Variants in GPBP1L1 observed in about 807,000 individuals in gnomAD.
The protein encoded by GPBP1L1 is GC-rich promoter binding protein 1 like 1.
GPBP1L1 carries 23 observed loss-of-function variants against 52.5 expected under a neutral mutation model. That is an observed-to-expected ratio of 0.44 (90% CI 0.32 to 0.62). The LOEUF (loss-of-function observed/expected upper bound fraction) is 0.62, where lower values mean the gene tolerates loss of function less well. Ranked by LOEUF, GPBP1L1 falls within the 20% of genes least tolerant of loss-of-function variation. GPBP1L1 has a pLI of 0.06. For synonymous variants in GPBP1L1, 243 were observed against 203.1 expected, an observed-to-expected ratio of 1.20 and a Z score of -1.67; for missense variants, 596 against 579.3, an observed-to-expected ratio of 1.03 and a Z score of -0.30.
At position 45,629,458 on chromosome 1, in the gene GPBP1L1, C is replaced by CT. The variant is rs113420988; in HGVS notation, c.1272+117_1272+118insA. ...ACTACATTTCTACTAAGGTAATCCC[C>CT]CCCCCCCCCACCCGATCTTTCTCTC... On this transcript the variant is annotated intron_variant, in intron 12 of 12. Transcript: ENST00000355105. 21 of 126,846 alleles carry CT rather than the reference C, an allele frequency of 1.7e-4. 1 individual carries two copies. Among genetic ancestry groups the CT allele is most frequent in the South Asian group, 9.6e-4 (5 of 5,210 alleles). The allele number at this position is 126,846 out of a possible 1,614,324, so 7.9% of individuals were successfully genotyped here.
intron 6 of GPBP1L1, among the ~76,000 whole-genome samples, chr1:45,643,011 T>G (rs1436073744): frequency 6.6e-6 from 1 of 152,160 alleles, no homozygotes; most frequent in Non-Finnish European, 1.5e-5. Flanking sequence ...CTATAAAAAC[T>G]TCTAGACAAG....
In GPBP1L1 at chr1:45,659,108, C is replaced by A; in HGVS notation, c.-21G>T. On this transcript the variant is annotated 5_prime_UTR_variant, in exon 4 of 13. It removes the in-frame stop codon of an upstream open reading frame in the 5' UTR. Transcript: ENST00000355105. ...GCCATTTAGGTCCAGTGTCTCCTTT[C>A]AGTAAGGTGAGGCATCCAACCTCAT... 1.9e-6 allele frequency: 3 copies of A among 1,613,904 alleles called. No individual in the cohort carries two copies. The highest frequency in any genetic ancestry group is 2.5e-6 in the Non-Finnish European group (3 of 1,179,852).
intron 12 of GPBP1L1, 122 bp downstream of exon 12, chr1:45,629,454 T>TC (rs374490837): frequency 0.011 from 1,281 of 117,468 alleles, 14 homozygotes; most frequent in African/African-American, 0.033. Flanking sequence ...ACTAAGGTAA[T>TC]CCCCCCCCCC....
intron 5 of GPBP1L1, 80 bp from the exon 6 acceptor site, chr1:45,654,909 G>C (rs755906741): frequency 1.1e-5 from 15 of 1,344,076 alleles, no homozygotes; most frequent in Non-Finnish European, 1.4e-5. Flanking sequence ...GCCTTCAGGA[G>C]ACCTCGTTAA....
At chr1:45,686,005 CT>C (rs557653480) in intron 1 of GPBP1L1, among the ~76,000 whole-genome samples, 143 of 152,248 alleles carry the variant, frequency 9.4e-4, no homozygotes, top group Non-Finnish European at 1.6e-3. Flanking sequence ...TTAGGTTTTC[CT>C]TTGAAGGAAA....
At chr1:45,661,696 G>A (rs973765653) in intron 2 of GPBP1L1, among the ~76,000 whole-genome samples, 3 of 151,968 alleles carry the variant, frequency 2.0e-5, no homozygotes, top group African/African-American at 4.8e-5. Flanking sequence ...TTTGTGATCC[G>A]CCCACCTTGG....
chr1:45,636,410 G>A (rs1644595331), intron 8 of GPBP1L1, among the ~76,000 whole-genome samples: 1 of 152,134 alleles, frequency 6.6e-6, no homozygotes, highest in Admixed American at 6.5e-5. Flanking sequence ...TTAAAATTGT[G>A]TAGATAATAT....
Position 45,628,421 on chromosome 1 carries a change from T to G in GPBP1L1, c.1273-13A>C, listed in dbSNP as rs372636307. On this transcript the variant is annotated splice_polypyrimidine_tract_variant and intron_variant, in intron 12 of 12. Coordinates refer to ENST00000355105, the MANE Select transcript of GPBP1L1 (RefSeq NM_021639.5). ...CATTTCTTCTCAGCTATGGTTAGCA[T>G]GGGAGAGAAAGAAAAAAGAAAAAAA... is the stretch of plus-strand genomic sequence containing the variant. 13 of 1,611,898 alleles carry G rather than the reference T, an allele frequency of 8.1e-6. No individual in the cohort carries two copies. The African/African-American group carries it at 1.6e-4, about 20-fold the overall frequency.
chr1:45,631,152 G>C (rs766106927), intron 10 of GPBP1L1, among the ~76,000 whole-genome samples: 5 of 150,882 alleles, frequency 3.3e-5, no homozygotes, highest in Non-Finnish European at 7.4e-5. Flanking sequence ...AGTCAAAATG[G>C]GTCACAGACC....
chr1:45,646,207 G>A (rs144119123), intron 6 of GPBP1L1: 3 of 278,228 alleles, frequency 1.1e-5, no homozygotes, highest in Admixed American at 5.1e-5. Flanking sequence ...TTGTGGCAGC[G>A]CGAAACAATG....
At chr1:45,659,723 T>C (rs1644926383) in intron 3 of GPBP1L1, among the ~76,000 whole-genome samples, 1 of 152,142 alleles carries the variant, frequency 6.6e-6, no homozygotes, top group East Asian at 1.9e-4. Context: ...GTGGATCGCT[T>C]GAGCCCAGCA....
chr1:45,655,174 G>A lies in GPBP1L1; in HGVS notation c.190+16C>T. 2 of 1,614,012 alleles carry A rather than the reference G, an allele frequency of 1.2e-6. No individual in the cohort carries two copies. The highest frequency in any genetic ancestry group is 1.7e-6 in the Non-Finnish European group (2 of 1,179,918). On this transcript the variant is annotated intron_variant, in intron 5 of 12. Coordinates refer to ENST00000355105, the MANE Select transcript of GPBP1L1 (RefSeq NM_021639.5). The stretch of plus-strand genomic sequence containing the variant: ...GAGTAGCTTAAATATAGTCATGAAA[G>A]TTGGACATGGCTCACCTCCTGCAGT...
chr1:45,655,783 A>C (rs1418189568), intron 4 of GPBP1L1: 1 of 154,742 alleles, frequency 6.5e-6, no homozygotes, highest in Non-Finnish European at 1.4e-5. Context: ...CTTTTAAAAA[A>C]AAAAAAGAGA....
At chr1:45,634,423 G>A in intron 8 of GPBP1L1, 187 bp from the exon 9 acceptor site, 1 of 503,440 alleles carries the variant, frequency 2.0e-6, no homozygotes, top group East Asian at 3.0e-5. Context: ...AATGGTAGAT[G>A]GGATACAGAA....
Position 45,655,204 on chromosome 1 carries a change from A to T in GPBP1L1, c.176T>A (p.Leu59Gln). The change falls in exon 5 of 13, where the codon CTA (leucine) becomes CAA (glutamine). Residue 59 changes from leucine (L) to glutamine (Q), a missense_variant. Leu to Gln is a moderately radical substitution (Grantham distance 113). Transcript: ENST00000355105. Reference sequence around the variant, plus strand: ...ACATGGCTCACCTCCTGCAGTTCGTAGGGGACCATTGTTAAAAAAACCATC... The same window carrying T: ...ACATGGCTCACCTCCTGCAGTTCGTTGGGGACCATTGTTAAAAAAACCATC... ...SSDGFFNNGP[L>Q]RTAGDSWHQP... 2 of 1,614,112 alleles carry T rather than the reference A, an allele frequency of 1.2e-6. No homozygotes were observed. Among genetic ancestry groups the T allele is most frequent in the South Asian group, 2.2e-5 (2 of 91,084 alleles).
In GPBP1L1 at chr1:45,660,409, AGGGGAAGG is replaced by A; in HGVS notation, c.-289_-282del. ...CGTTTCCAAAAGGGGAAAGGGGAAAAGGGGAAGGGGGGAAGGGGAACATAAAAAGTATT... is the reference window on the plus strand; with the variant it reads ...CGTTTCCAAAAGGGGAAAGGGGAAAAGGGGAAGGGGAACATAAAAAGTATT... On this transcript the variant is annotated 5_prime_UTR_variant, in exon 3 of 13. The change creates a premature stop within an existing upstream ORF in the 5' untranslated region. Coordinates refer to ENST00000355105, the MANE Select transcript of GPBP1L1 (RefSeq NM_021639.5). 7.2e-6 allele frequency: 7 copies of A among 969,202 alleles called. No homozygotes were observed. Among genetic ancestry groups the A allele is most frequent in the Non-Finnish European group, 8.6e-6 (7 of 816,002 alleles). 60.0% of individuals were successfully genotyped at this position (969,202 alleles called of 1,614,324 possible).
intron 2 of GPBP1L1, among the ~76,000 whole-genome samples, chr1:45,672,475 A>C (rs549020677): frequency 6.6e-6 from 1 of 152,336 alleles, no homozygotes; most frequent in East Asian, 1.9e-4. Flanking sequence ...AACTCTCATT[A>C]ATTCTAATAA....
chr1:45,631,086 C>T (rs959646781), intron 10 of GPBP1L1, among the ~76,000 whole-genome samples: 4 of 132,868 alleles, frequency 3.0e-5, no homozygotes, highest in Non-Finnish European at 3.3e-5. Flanking sequence ...TGGACAGCCA[C>T]ACTAAAAAAA....
intron 2 of GPBP1L1, among the ~76,000 whole-genome samples, chr1:45,676,498 CAGGAGATCA>C (rs1171181099): frequency 6.6e-6 from 1 of 151,846 alleles, no homozygotes; most frequent in Non-Finnish European, 1.5e-5. Context: ...CACCTGAGGT[CAGGAGATCA>C]AGACCATCCT....
Sources: gnomAD v4.1 joint callset for allele counts (sites outside exome capture counted in the v4.1 genomes callset) on GRCh38, gnomAD v4.1.1 for gene constraint, MANE v1.5 for transcripts, NCBI Gene and HGNC (gene_info 2026-07-23, HGNC 2026-07-21) for gene names.